CSMD1: variants seen among roughly 807,000 people sequenced by gnomAD.
CSMD1 encodes CUB and sushi domain-containing protein 1.
Under a neutral mutation model 417.5 loss-of-function variants are expected in CSMD1, and 213 were observed. The ratio of observed to expected loss-of-function variants is 0.51; its 90% CI spans 0.46 to 0.57. The LOEUF is 0.57. Among genes scored for constraint, CSMD1 ranks in the 20% least tolerant of loss-of-function variants. The pLI is 0.00. For synonymous variants in CSMD1, 2,862 were observed against 1,736.8 expected (o/e 1.65, Z -16.11); for missense variants, 6,923 against 4,529.7 (o/e 1.53, Z -15.17).
At chr8:3,524,270 C>G (rs745341469) in intron 10 of CSMD1, among the ~76,000 whole-genome samples, 4 of 151,652 alleles carry the variant, frequency 2.6e-5, no homozygotes, top group Admixed American at 6.6e-5. Flanking sequence ...CAAGCACACA[C>G]ACACGCACAT....
chr8:4,383,147 T>C (rs1803214162), intron 3 of CSMD1, among the ~76,000 whole-genome samples: 1 of 152,188 alleles, frequency 6.6e-6, no homozygotes, highest in Admixed American at 6.5e-5. Flanking sequence ...TGATGATTTG[T>C]TTCAAAATTT....
At chr8:4,518,621 TG>T (rs1162515744) in intron 2 of CSMD1, among the ~76,000 whole-genome samples, 3 of 84,246 alleles carry the variant, frequency 3.6e-5, no homozygotes, top group Admixed American at 2.7e-4. Flanking sequence ...TGCTGTGGGG[TG>T]GGGGGCGGGG....
At chr8:4,003,808 G>A (rs141296177) in intron 4 of CSMD1, among the ~76,000 whole-genome samples, 2 of 151,538 alleles carry the variant, frequency 1.3e-5, no homozygotes, top group African/African-American at 4.8e-5. Context: ...TGAGTATATT[G>A]TACGTGTCTG....
At chr8:4,242,713 C>G (rs1413649521) in intron 3 of CSMD1, among the ~76,000 whole-genome samples, 1 of 115,972 alleles carries the variant, frequency 8.6e-6, no homozygotes, top group Non-Finnish European at 2.1e-5. Context: ...GTGGAGCCCA[C>G]TCTGCCCAGT....
intron 12 of CSMD1, among the ~76,000 whole-genome samples, chr8:3,430,396 T>C (rs576973610): frequency 3.6e-4 from 55 of 152,290 alleles, no homozygotes; most frequent in African/African-American, 1.3e-3. Context: ...GTATCTGTCT[T>C]CTGTTTATTT....
chr8:4,380,408 C>G, intron 3 of CSMD1, among the ~76,000 whole-genome samples: 1 of 152,252 alleles, frequency 6.6e-6, no homozygotes, highest in East Asian at 1.9e-4. Context: ...AGGAAAACAT[C>G]AGAAACATCA....
chr8:2,973,492 G>C (rs531783988), intron 56 of CSMD1, among the ~76,000 whole-genome samples, 193 bp from the exon 57 acceptor site: 1 of 152,256 alleles, frequency 6.6e-6, no homozygotes, highest in African/African-American at 2.4e-5. Flanking sequence ...TTAGGATGTG[G>C]CTCCCATGTT....
intron 1 of CSMD1, among the ~76,000 whole-genome samples, chr8:4,831,108 C>A (rs1800124090): frequency 6.6e-6 from 1 of 152,118 alleles, no homozygotes; most frequent in Non-Finnish European, 1.5e-5. Context: ...TTTACCTATG[C>A]CTTAGGAAAA....
rs757040661 is a variant in CSMD1 at position 3,308,457 on chromosome 8, G to C, written c.3678C>G (p.Gly1226=). The stretch of plus-strand genomic sequence containing the variant: ...AGTGGCCTTCATCACGGATCCTATA[G>C]CCGTAGTTAGGGATGCCCGGATCCT... ...KCEDPGIPNY[G]YRIRDEGHFT... The change falls in exon 24 of 70, where the codon GGC becomes GGG. Residue 1226 remains glycine (G), a synonymous_variant. Transcript: ENST00000635120. 5.0e-6 allele frequency: 8 copies of C among 1,613,492 alleles called. No individual in the cohort carries two copies. Among genetic ancestry groups the C allele is most frequent in the Non-Finnish European group, 6.8e-6 (8 of 1,179,706 alleles).
intron 1 of CSMD1, among the ~76,000 whole-genome samples, chr8:4,980,218 G>C (rs1810810225): frequency 1.3e-5 from 2 of 152,204 alleles, no homozygotes; most frequent in South Asian, 4.1e-4. Flanking sequence ...TTCGAGGTTG[G>C]ATACTGTGCT....
At chr8:3,246,587 T>C (rs780129104) in intron 26 of CSMD1, among the ~76,000 whole-genome samples, 8 of 152,176 alleles carry the variant, frequency 5.3e-5, no homozygotes, top group Non-Finnish European at 1.2e-4. Flanking sequence ...TTCTCCTGCC[T>C]CAGCCTCCTG....
At chr8:4,821,654 T>G (rs570373451) in intron 1 of CSMD1, among the ~76,000 whole-genome samples, 36 of 152,276 alleles carry the variant, frequency 2.4e-4, no homozygotes, top group Non-Finnish European at 4.7e-4. Context: ...ATGGGAATTT[T>G]GAAAGGAAAT....
At chr8:4,132,799 G>C (rs1235174221) in intron 3 of CSMD1, among the ~76,000 whole-genome samples, 1 of 152,152 alleles carries the variant, frequency 6.6e-6, no homozygotes, top group Non-Finnish European at 1.5e-5. Flanking sequence ...GTGTGTGAAT[G>C]TAAAGAAGAA....
intron 4 of CSMD1, among the ~76,000 whole-genome samples, chr8:4,014,462 A>C (rs972881510): frequency 6.6e-6 from 1 of 152,198 alleles, no homozygotes; most frequent in African/African-American, 2.4e-5. Flanking sequence ...TCAGCCTCTA[A>C]GAAGCTTTTT....
At chr8:3,675,617 A>G (rs1799332628) in intron 7 of CSMD1, among the ~76,000 whole-genome samples, 1 of 152,128 alleles carries the variant, frequency 6.6e-6, no homozygotes. Context: ...TAGCACCCTT[A>G]TAAGGAAAGG....
chr8:3,052,780 T>G (rs1344974907), intron 49 of CSMD1, 133 bp from the exon 50 acceptor site: 1 of 630,680 alleles, frequency 1.6e-6, no homozygotes, highest in South Asian at 2.9e-5. Context: ...TCTTTTTTTT[T>G]CTTTCTTTTT....
intron 3 of CSMD1, among the ~76,000 whole-genome samples, chr8:4,154,347 G>C (rs532268744): frequency 6.6e-6 from 1 of 152,192 alleles, no homozygotes; most frequent in East Asian, 1.9e-4. Flanking sequence ...GGAGTATTCA[G>C]TCAAGCAAAT....
chr8:3,489,159 A>G (rs1392145), intron 11 of CSMD1, among the ~76,000 whole-genome samples: 101,428 of 151,892 alleles, frequency 0.67, 34,260 homozygotes, highest in African/African-American at 0.75. Context: ...CAGGATCAGC[A>G]GAAAACAACA....
intron 1 of CSMD1, among the ~76,000 whole-genome samples, chr8:4,867,836 G>C (rs766611770): frequency 3.9e-5 from 6 of 152,018 alleles, no homozygotes; most frequent in South Asian, 2.1e-4. Flanking sequence ...ATTTAACAGA[G>C]TGTAAATTCT....
Sources: gnomAD v4.1 joint callset for allele counts (sites outside exome capture counted in the v4.1 genomes callset) on GRCh38, gnomAD v4.1.1 for gene constraint, MANE v1.5 for transcripts, NCBI Gene and HGNC (gene_info 2026-07-23, HGNC 2026-07-21) for gene names.